Variants in PLXNC1 observed in about 807,000 individuals in gnomAD.
PLXNC1 encodes the protein plexin C1, also known as plexin-C1.
PLXNC1 carries 75 observed loss-of-function variants against 178.2 expected under a neutral mutation model. That is an observed-to-expected ratio of 0.42 (90% CI 0.35 to 0.51). PLXNC1 has a LOEUF of 0.51. PLXNC1 is among the 20% of genes least tolerant of loss of function. The pLI, the probability that PLXNC1 is intolerant of heterozygous loss-of-function variation, is 0.02. For missense variants in PLXNC1, 1,503 were observed against 1,984.4 expected, an observed-to-expected ratio of 0.76 and a Z score of 4.61; for synonymous variants, 790 against 779.9, an observed-to-expected ratio of 1.01 and a Z score of -0.22.
At chr12:94,281,910 C>A (rs61927166) in intron 22 of PLXNC1, 74 of 204,444 alleles carry the variant, frequency 3.6e-4, no homozygotes, top group Non-Finnish European at 6.6e-4. Context: ...TGATGCCTCC[C>A]CCTCCACCCC....
intron 1 of PLXNC1, chr12:94,168,349 T>C (rs935425174): frequency 6.6e-6 from 1 of 152,250 alleles, no homozygotes; most frequent in Non-Finnish European, 1.5e-5. Context: ...AAGCACTTCA[T>C]TCCTTTTAAA....
intron 2 of PLXNC1, among the ~76,000 whole-genome samples, chr12:94,171,069 A>G (rs1047861075): frequency 7.9e-5 from 12 of 152,194 alleles, no homozygotes; most frequent in African/African-American, 2.7e-4. Context: ...CCAAACCGCT[A>G]CATGGTGAAT....
At chr12:94,160,046 G>A (rs1961320440) in intron 1 of PLXNC1, among the ~76,000 whole-genome samples, 1 of 152,156 alleles carries the variant, frequency 6.6e-6, no homozygotes, top group Non-Finnish European at 1.5e-5. Context: ...GGACATACAG[G>A]AAGACAGGAA....
chr12:94,234,198 T>C (rs1964181288), intron 9 of PLXNC1, among the ~76,000 whole-genome samples: 1 of 152,164 alleles, frequency 6.6e-6, no homozygotes, highest in Non-Finnish European at 1.5e-5. Context: ...GCCCTCCTAA[T>C]GCACCTCTTT....
rs1177903468 is a variant in PLXNC1 at position 94,306,880 on chromosome 12, C to T, written c.*1595C>T. 6.6e-6 allele frequency: 1 copy of T among 152,156 alleles called. No homozygotes were observed. The highest frequency in any genetic ancestry group is 1.5e-5 in the Non-Finnish European group (1 of 68,054). 9.4% of individuals were successfully genotyped at this position (152,156 alleles called of 1,614,324 possible). On this transcript the variant is annotated 3_prime_UTR_variant, in exon 31 of 31. Transcript: ENST00000258526. ...TTGACCATTGTCTGTCCAACGGACA[C>T]ACCTCAAACAAACAAAACTACCAAA...
intron 20 of PLXNC1, among the ~76,000 whole-genome samples, chr12:94,261,301 G>C (rs922743356): frequency 6.6e-6 from 1 of 152,196 alleles, no homozygotes; most frequent in Admixed American, 6.5e-5. Context: ...CCTCCCCCTG[G>C]AGTTTGCTTT....
At chr12:94,162,436 G>A (rs1961418798) in intron 1 of PLXNC1, among the ~76,000 whole-genome samples, 1 of 152,174 alleles carries the variant, frequency 6.6e-6, no homozygotes, top group Non-Finnish European at 1.5e-5. Flanking sequence ...GGGAGAGTCT[G>A]GGGAGGCATA....
At chr12:94,280,001 T>G (rs887205484) in intron 22 of PLXNC1, 11 of 390,814 alleles carry the variant, frequency 2.8e-5, no homozygotes, top group Admixed American at 1.5e-4. Context: ...CTGCGTGTGT[T>G]GCATTTCACA....
intron 9 of PLXNC1, among the ~76,000 whole-genome samples, chr12:94,235,739 A>T (rs1374466848): frequency 3.3e-5 from 5 of 152,204 alleles, no homozygotes; most frequent in Non-Finnish European, 2.9e-5. Context: ...ACGAATATTT[A>T]TGGGTGCTGA....
At chr12:94,229,319 T>G (rs1964028345) in intron 9 of PLXNC1, among the ~76,000 whole-genome samples, 1 of 152,214 alleles carries the variant, frequency 6.6e-6, no homozygotes, top group African/African-American at 2.4e-5. Context: ...CTATCAGATA[T>G]ATCATTTGCA....
intron 21 of PLXNC1, among the ~76,000 whole-genome samples, chr12:94,270,353 T>C (rs1254664584): frequency 6.6e-6 from 1 of 152,254 alleles, no homozygotes; most frequent in East Asian, 1.9e-4. Flanking sequence ...GGAGTAGTTG[T>C]CACAGAGATC....
rs375529633 is a variant in PLXNC1 at position 94,149,961 on chromosome 12, C to G, written c.990C>G (p.Leu330=). The G allele has an allele frequency of 3.1e-6, 5 of 1,591,846 alleles. No individual in the cohort carries two copies. The highest frequency in any genetic ancestry group is 4.3e-6 in the Non-Finnish European group (5 of 1,170,360). The change falls in exon 1 of 31, where the codon CTC becomes CTG. Residue 330 remains leucine (L), a synonymous_variant. Coordinates refer to ENST00000258526, the MANE Select transcript of PLXNC1 (RefSeq NM_005761.3). ...RRSPTTTALC[L]FRMSEIQARA... is the part of the protein sequence containing the mutation. ...CCCCCACCACCACGGCGCTCTGCCT[C>G]TTCAGAATGAGTGAGATCCAGGCGC...
chr12:94,287,349 G>A (rs1015031435), intron 23 of PLXNC1, among the ~76,000 whole-genome samples: 6 of 152,194 alleles, frequency 3.9e-5, no homozygotes, highest in Admixed American at 6.5e-5. Flanking sequence ...CAGGGTCTGG[G>A]GCATGTGCAC....
chr12:94,281,331 T>C (rs896251211), intron 22 of PLXNC1, among the ~76,000 whole-genome samples: 1 of 152,024 alleles, frequency 6.6e-6, no homozygotes, highest in Non-Finnish European at 1.5e-5. Flanking sequence ...CAGAAGCAGC[T>C]ATGCTTGGAG....
chr12:94,259,709 C>G lies in PLXNC1; in HGVS notation c.3226C>G (p.Gln1076Glu). Reference protein sequence around the residue: ...LVTVIHTLEKQKNFSVKDRCL... With the variant: ...LVTVIHTLEKEKNFSVKDRCL... Reference sequence around the variant, plus strand: ...TACTGTCATCCACACCCTTGAAAAGCAGAAGAACTTTTCTGTGAAGGACAG... The same window carrying G: ...TACTGTCATCCACACCCTTGAAAAGGAGAAGAACTTTTCTGTGAAGGACAG... Residue 1076 changes from glutamine (Q) to glutamate (E), a missense_variant, in exon 19 of 31, where the codon CAG becomes GAG. Around this residue, in one of 4 missense-constraint regions of PLXNC1, gnomAD observed 639 missense variants for 979.7 expected, o/e 0.65. Transcript: ENST00000258526. 1 of 1,611,034 alleles carries G rather than the reference C, an allele frequency of 6.2e-7. No individual in the cohort carries two copies. Among genetic ancestry groups the G allele is most frequent in the Non-Finnish European group, 8.5e-7 (1 of 1,178,720 alleles).
At position 94,209,664 on chromosome 12, in the gene PLXNC1, A is replaced by G. The variant is rs372876639; in HGVS notation, c.1514A>G (p.Lys505Arg). The G allele has an allele frequency of 1.9e-5, 31 of 1,612,892 alleles. No individual in the cohort carries two copies. Among genetic ancestry groups the G allele is most frequent in the Non-Finnish European group, 2.5e-5 (30 of 1,178,822 alleles). ...CTGGATATTTCGTCTGGAGCAAAAA[A>G]GTGCCCTAAAATTCAGATAATTCGA... ...NWLDISSGAK[K>R]CPKIQIIRSS... The change falls in exon 5 of 31, where the codon AAG (lysine) becomes AGG (arginine). Residue 505 changes from lysine to arginine, a missense_variant. Lys to Arg is a conservative substitution (Grantham distance 26, BLOSUM62 2). Transcript: ENST00000258526.
At chr12:94,152,154 T>A (rs1960985124) in intron 1 of PLXNC1, among the ~76,000 whole-genome samples, 1 of 152,206 alleles carries the variant, frequency 6.6e-6, no homozygotes. Context: ...CAATAGCATG[T>A]CATGGCTGCA....
intron 4 of PLXNC1, among the ~76,000 whole-genome samples, chr12:94,197,723 T>G (rs1357624458): frequency 6.6e-6 from 1 of 152,188 alleles, no homozygotes; most frequent in Non-Finnish European, 1.5e-5. Context: ...TTCTGCCTAC[T>G]ACTGGTTGTA....
At chr12:94,166,937 T>C (rs1187526921) in intron 1 of PLXNC1, among the ~76,000 whole-genome samples, 1 of 152,108 alleles carries the variant, frequency 6.6e-6, no homozygotes, top group African/African-American at 2.4e-5. Flanking sequence ...GGCTGATTTT[T>C]TATCTCTGTA....
Sources: allele counts gnomAD v4.1 joint callset (sites outside exome capture counted in the v4.1 genomes callset), GRCh38; gene constraint gnomAD v4.1.1; regional missense constraint gnomAD v4.1.1; transcripts MANE v1.5; gene names NCBI Gene and HGNC (gene_info 2026-07-23, HGNC 2026-07-21).